FXN: variants seen among roughly 807,000 people sequenced by gnomAD.
The protein encoded by FXN is frataxin, also known as frataxin, mitochondrial.
Under a neutral mutation model 22.4 loss-of-function variants are expected in FXN, and 14 were observed. The ratio of observed to expected loss-of-function variants is 0.62; its 90% CI spans 0.41 to 0.98. The LOEUF (loss-of-function observed/expected upper bound fraction) is 0.98. Among genes scored for constraint, FXN ranks in the 50% least tolerant of loss-of-function variants. The pLI is 0.00. For missense variants in FXN, 267 were observed against 268.4 expected, an observed-to-expected ratio of 0.99 and a Z score of 0.04; for synonymous variants, 120 against 114.1, an observed-to-expected ratio of 1.05 and a Z score of -0.33.
At chr9:69,052,412 C>T (rs924930283) in intron 2 of FXN, among the ~76,000 whole-genome samples, 2 of 152,050 alleles carry the variant, frequency 1.3e-5, no homozygotes, top group Non-Finnish European at 1.5e-5. Context: ...CCTCGGCCTC[C>T]GAAAGTCCTG....
intron 1 of FXN, among the ~76,000 whole-genome samples, chr9:69,040,060 T>C (rs1831628638): frequency 6.6e-6 from 1 of 152,198 alleles, no homozygotes; most frequent in Non-Finnish European, 1.5e-5. Context: ...CAGTCACCGC[T>C]TAAAGGCCCC....
chr9:69,047,415 C>G (rs983361535), intron 2 of FXN, among the ~76,000 whole-genome samples: 29 of 152,228 alleles, frequency 1.9e-4, no homozygotes, highest in African/African-American at 7.0e-4. Flanking sequence ...AACTGTAACT[C>G]CATTCAGAAA....
intron 4 of FXN, among the ~76,000 whole-genome samples, chr9:69,068,530 C>T (rs879597611): frequency 8.5e-5 from 13 of 152,216 alleles, no homozygotes; most frequent in Admixed American, 1.3e-4. Flanking sequence ...GCCTGCTGGC[C>T]GCCACGACAT....
chr9:69,051,973 G>A (rs942475458), intron 2 of FXN, among the ~76,000 whole-genome samples: 2 of 149,990 alleles, frequency 1.3e-5, no homozygotes, highest in Non-Finnish European at 3.0e-5. Context: ...TCAGCCTCCC[G>A]AGTAGCTGGG....
In FXN at chr9:69,073,552, G is replaced by A; in HGVS notation, c.*790G>A. 1 of 985,452 alleles carries A rather than the reference G, an allele frequency of 1.0e-6. No individual in the cohort carries two copies. Among genetic ancestry groups the A allele is most frequent in the Non-Finnish European group, 1.2e-6 (1 of 829,966 alleles). 61.0% of individuals were successfully genotyped at this position (985,452 alleles called of 1,614,324 possible). On this transcript the variant is annotated 3_prime_UTR_variant, in exon 5 of 5. Coordinates refer to ENST00000484259, the MANE Select transcript of FXN (RefSeq NM_000144.5). ...TAACAAACAAAATCATGGAGCTGAG[G>A]AGGTGCCTTGTAAACATGAAGGGGC... is the stretch of plus-strand genomic sequence containing the variant.
At chr9:69,061,326 A>G (rs953060409) in intron 3 of FXN, among the ~76,000 whole-genome samples, 4 of 152,122 alleles carry the variant, frequency 2.6e-5, no homozygotes, top group African/African-American at 7.2e-5. Context: ...CGAAGGAGGC[A>G]GGAGAGACAT....
chr9:69,078,242 A>G lies in FXN; in HGVS notation c.*5480A>G. The G allele has an allele frequency of 1.0e-6, 1 of 985,232 alleles. No homozygotes were observed. Among genetic ancestry groups the G allele is most frequent in the Non-Finnish European group, 1.2e-6 (1 of 829,748 alleles). 61.0% of individuals were successfully genotyped at this position (985,232 alleles called of 1,614,324 possible). A position where few individuals can be genotyped will look rare whatever the true frequency, so the allele number is the denominator to read the frequency against. On this transcript the variant is annotated 3_prime_UTR_variant, in exon 5 of 5. Transcript: ENST00000484259. ...AGATTATAACTACAATGTGAAGTGA[A>G]TGGTGCCACTGACAGTTATGCAAAC... is the stretch of plus-strand genomic sequence containing the variant.
chr9:69,044,588 A>G (rs1029888240), intron 1 of FXN, among the ~76,000 whole-genome samples: 2 of 151,992 alleles, frequency 1.3e-5, no homozygotes, highest in Non-Finnish European at 1.5e-5. Context: ...CTTATCACCA[A>G]TCTCTTAAAG....
chr9:69,059,054 C>T lies in FXN; in HGVS notation c.384+5794C>T, dbSNP rs929650539. On this transcript the variant is annotated intron_variant, in intron 3 of 4. Coordinates refer to ENST00000484259, the MANE Select transcript of FXN (RefSeq NM_000144.5). ...CTGCACTCCAGCCTGGGCGACAGAG[C>T]GAGACTTCATCTTAAAAAAAAAGAA... Among the ~76,000 whole-genome samples the T allele has an allele frequency of 3.8e-4, 57 of 151,256 alleles. 1 individual carries two copies. The highest frequency in any genetic ancestry group is 1.2e-4 in the Non-Finnish European group (8 of 67,908).
chr9:69,069,402 G>T (rs998868246), intron 4 of FXN, among the ~76,000 whole-genome samples: 11 of 152,226 alleles, frequency 7.2e-5, no homozygotes, highest in African/African-American at 2.7e-4. Context: ...AGGCAGGAAT[G>T]AAACAGGCCA....
intron 3 of FXN, among the ~76,000 whole-genome samples, chr9:69,054,378 G>A (rs1439077394): frequency 6.6e-6 from 1 of 152,154 alleles, no homozygotes; most frequent in African/African-American, 2.4e-5. Context: ...TTTATCGACT[G>A]GCCACCAGGT....
At position 69,035,858 on chromosome 9, in the gene FXN, C is replaced by A. The variant is rs536676174; in HGVS notation, c.76C>A (p.Arg26=). 4.7e-5 allele frequency: 71 copies of A among 1,497,904 alleles called. No individual in the cohort carries two copies. The South Asian group carries it at 8.5e-4, about 18-fold the overall frequency. The allele number at this position is 1,497,904 out of a possible 1,614,324, so 92.8% of individuals were successfully genotyped here. A position where few individuals can be genotyped will look rare whatever the true frequency, so the allele number is the denominator to read the frequency against. The change falls in exon 1 of 5, where the codon CGG becomes AGG. Residue 26 remains arginine (R), a synonymous_variant. Coordinates refer to ENST00000484259, the MANE Select transcript of FXN (RefSeq NM_000144.5). ...CCCAGCCCAGGCCCAGACCCTCACC[C>A]GGGTCCCGCGGCCGGCAGAGTTGGC... ...PSPAQAQTLT[R]VPRPAELAPL...
intron 3 of FXN, among the ~76,000 whole-genome samples, chr9:69,063,994 G>A (rs1298525602): frequency 6.6e-6 from 1 of 152,186 alleles, no homozygotes; most frequent in Non-Finnish European, 1.5e-5. Context: ...ATAGCTCTCT[G>A]TGTTTGCAAA....
intron 3 of FXN, among the ~76,000 whole-genome samples, chr9:69,062,964 G>A (rs753830529): frequency 7.2e-5 from 11 of 152,058 alleles, no homozygotes; most frequent in African/African-American, 2.2e-4. Context: ...TTGGGAGGCC[G>A]AGGTAGGAGG....
chr9:69,062,965 A>C (rs550496570), intron 3 of FXN, among the ~76,000 whole-genome samples: 12 of 152,202 alleles, frequency 7.9e-5, no homozygotes, highest in African/African-American at 2.9e-4. Context: ...TGGGAGGCCG[A>C]GGTAGGAGGA....
chr9:69,062,917 G>A (rs998926764), intron 3 of FXN, among the ~76,000 whole-genome samples: 9 of 152,074 alleles, frequency 5.9e-5, no homozygotes, highest in South Asian at 4.2e-4. Context: ...ATGGGGCCGA[G>A]TGCAGTAGCT....
intron 1 of FXN, among the ~76,000 whole-genome samples, chr9:69,040,388 G>C (rs1195185961): frequency 6.6e-6 from 1 of 152,212 alleles, no homozygotes. Context: ...TTTATACGCT[G>C]CCGGGCGCGG....
chr9:69,064,883 GCTAA>G (rs1832140955), intron 3 of FXN, 51 bp from the exon 4 acceptor site: 15 of 1,056,670 alleles, frequency 1.4e-5, no homozygotes, highest in East Asian at 4.7e-5. Context: ...ATGACAAAGT[GCTAA>G]CTTTTTCTTG....
Position 69,074,947 on chromosome 9 carries a change from T to A in FXN, c.*2185T>A. On this transcript the variant is annotated 3_prime_UTR_variant, in exon 5 of 5. Coordinates refer to ENST00000484259, the MANE Select transcript of FXN (RefSeq NM_000144.5). ...GAAAGTTTCAGTGCACCCCACTTAC[T>A]TAGAACTCGGTGACATGATGTACTC... The A allele has an allele frequency of 1.0e-6, 1 of 985,436 alleles. No homozygotes were observed. Among genetic ancestry groups the A allele is most frequent in the Non-Finnish European group, 1.2e-6 (1 of 829,950 alleles). The allele number at this position is 985,436 out of a possible 1,614,324, so 61.0% of individuals were successfully genotyped here.
Sources: gnomAD v4.1 joint callset for allele counts (sites outside exome capture counted in the v4.1 genomes callset) on GRCh38, gnomAD v4.1.1 for gene constraint, MANE v1.5 for transcripts, NCBI Gene and HGNC (gene_info 2026-07-23, HGNC 2026-07-21) for gene names.